PRH1: variants seen among roughly 807,000 people sequenced by gnomAD.
PRH1 encodes the protein salivary acidic proline-rich phosphoprotein 1/2.
Under a neutral mutation model 7.9 loss-of-function variants are expected in PRH1, and 7 were observed. The ratio of observed to expected loss-of-function variants is 0.89; its 90% CI spans 0.50 to 1.67. The LOEUF is 1.67. PRH1 is among the 40% of genes most tolerant of loss of function. PRH1 has a pLI of 0.00. For synonymous variants in PRH1, 45 were observed against 80.8 expected, an observed-to-expected ratio of 0.56 and a Z score of 2.38; for missense variants, 109 against 223.6, an observed-to-expected ratio of 0.49 and a Z score of 3.27.
intron 2 of PRH1, among the ~76,000 whole-genome samples, chr12:10,901,562 G>A (rs1000801686): frequency 6.6e-6 from 1 of 152,110 alleles, no homozygotes; most frequent in Non-Finnish European, 1.5e-5. Context: ...ACACCACTGT[G>A]TACTCCATGA....
chr12:10,886,232 G>A (rs74060701), upstream of PRH1, among the ~76,000 whole-genome samples: 3 of 152,220 alleles, frequency 2.0e-5, no homozygotes, highest in Non-Finnish European at 2.9e-5. Flanking sequence ...GTCCTGCCTC[G>A]GTGACTTCAG....
intron 2 of PRH1, among the ~76,000 whole-genome samples, chr12:10,947,116 T>C (rs1331415085): frequency 6.6e-6 from 1 of 152,176 alleles, no homozygotes; most frequent in Non-Finnish European, 1.5e-5. Flanking sequence ...TATTTGGGGA[T>C]GGACACTTCT....
chr12:10,955,945 A>G (rs1937934218), intron 2 of PRH1, among the ~76,000 whole-genome samples: 1 of 152,152 alleles, frequency 6.6e-6, no homozygotes, highest in Non-Finnish European at 1.5e-5. Context: ...AAAGCCTACC[A>G]GACAAACAAA....
intron 1 of PRH1, among the ~76,000 whole-genome samples, chr12:11,169,880 C>G (rs1205898315): frequency 2.0e-5 from 3 of 152,116 alleles, no homozygotes; most frequent in Non-Finnish European, 4.4e-5. Context: ...GCTGGGAACA[C>G]AAAATTAATT....
rs140976114 is a variant in PRH1 at position 10,947,562 on chromosome 12, T to C, written c.-59+26093A>G. 5.6e-3 allele frequency among the ~76,000 whole-genome samples: 858 copies of C among 152,256 alleles called. 10 individuals carry two copies. Among genetic ancestry groups the C allele is most frequent in the African/African-American group, 0.02 (820 of 41,536 alleles). On this transcript the variant is annotated intron_variant, in intron 2 of 3. Coordinates refer to the PRH1 transcript ENST00000539853. Reference sequence around the variant, plus strand: ...CGGGTCTCTTGAAGACAGAATACCATTGGGTCTTGCTTTTTTATCCTGCTT... The same window carrying C: ...CGGGTCTCTTGAAGACAGAATACCACTGGGTCTTGCTTTTTTATCCTGCTT...
intron 1 of PRH1, among the ~76,000 whole-genome samples, chr12:11,110,136 A>T (rs1293891961): frequency 6.6e-6 from 1 of 152,192 alleles, no homozygotes; most frequent in African/African-American, 2.4e-5. Context: ...AATGAAAAGG[A>T]ACAAACAAAG....
chr12:11,084,608 A>G (rs1314855669), intron 1 of PRH1, among the ~76,000 whole-genome samples: 2 of 123,114 alleles, frequency 1.6e-5, no homozygotes, highest in African/African-American at 2.9e-5. Flanking sequence ...AAGTAACATC[A>G]GAATAATTTT....
chr12:10,939,034 CA>C (rs772036828), intron 2 of PRH1: 1 of 1,613,758 alleles, frequency 6.2e-7, no homozygotes, highest in South Asian at 1.1e-5. Context: ...TTAACCAAAC[CA>C]GGCTAATTCG....
At chr12:11,152,804 C>T (rs901553252) in intron 1 of PRH1, among the ~76,000 whole-genome samples, 1 of 152,130 alleles carries the variant, frequency 6.6e-6, no homozygotes, top group African/African-American at 2.4e-5. Flanking sequence ...CTTAAAAATG[C>T]ATTATCAGTT....
intron 2 of PRH1, among the ~76,000 whole-genome samples, chr12:10,903,100 G>A (rs1050603140): frequency 3.9e-5 from 6 of 152,144 alleles, no homozygotes; most frequent in African/African-American, 1.4e-4. Context: ...TCGGTCTGCT[G>A]TCTTCAAGAG....
At chr12:10,921,722 T>A (rs554176719) in intron 2 of PRH1, among the ~76,000 whole-genome samples, 151 of 152,240 alleles carry the variant, frequency 9.9e-4, no homozygotes, top group African/African-American at 3.4e-3. Context: ...TTTTGCTGAG[T>A]CTATGACTTG....
chr12:11,040,699 T>G (rs1476722839), intron 1 of PRH1, among the ~76,000 whole-genome samples: 1 of 152,176 alleles, frequency 6.6e-6, no homozygotes, highest in Non-Finnish European at 1.5e-5. Context: ...CCCCAGAACT[T>G]AAAGTATAAT....
chr12:11,098,556 C>T (rs1482918303), intron 1 of PRH1, among the ~76,000 whole-genome samples: 2 of 152,148 alleles, frequency 1.3e-5, no homozygotes, highest in African/African-American at 4.8e-5. Context: ...TTGTGTTTAG[C>T]AACTTCAGTT....
chr12:11,016,054 G>A (rs574582040), intron 1 of PRH1, among the ~76,000 whole-genome samples: 2 of 152,186 alleles, frequency 1.3e-5, no homozygotes, highest in Non-Finnish European at 2.9e-5. Context: ...GGAACTTCCA[G>A]ACTGTGCTCC....
chr12:11,117,531 C>T (rs1019784569), downstream of PRH1, among the ~76,000 whole-genome samples: 3 of 152,002 alleles, frequency 2.0e-5, no homozygotes, highest in Non-Finnish European at 2.9e-5. Context: ...ATCAAAATAC[C>T]AAAAACATTC....
At chr12:11,033,445 G>A (rs1942311022) in intron 1 of PRH1, among the ~76,000 whole-genome samples, 1 of 152,162 alleles carries the variant, frequency 6.6e-6, no homozygotes, top group Non-Finnish European at 1.5e-5. Context: ...AATATCTAAT[G>A]TAGTTTTGAA....
intron 2 of PRH1, chr12:10,909,132 A>G (rs761248629): frequency 2.5e-6 from 4 of 1,613,928 alleles, no homozygotes; most frequent in South Asian, 1.1e-5. Context: ...GATCAGCCCA[A>G]TTCTGGAGAT....
chr12:10,944,266 T>A (rs1375107849), intron 2 of PRH1, among the ~76,000 whole-genome samples: 3 of 152,192 alleles, frequency 2.0e-5, no homozygotes, highest in Non-Finnish European at 4.4e-5. Flanking sequence ...GAAGTTTTTT[T>A]ATAATTCTTA....
At chr12:11,118,050 A>G (rs188728276), downstream of PRH1, among the ~76,000 whole-genome samples, 34 of 152,306 alleles carry the variant, frequency 2.2e-4, 1 homozygote, top group East Asian at 6.4e-3. Context: ...GCAACCAAGT[A>G]AAAAATGCAC....
Sources: allele counts gnomAD v4.1 joint callset (sites outside exome capture counted in the v4.1 genomes callset), GRCh38; gene constraint gnomAD v4.1.1; transcripts MANE v1.5; gene names NCBI Gene and HGNC (gene_info 2026-07-23, HGNC 2026-07-21).